Variants in NRG1 observed in about 807,000 individuals in gnomAD.
The protein encoded by NRG1 is pro-neuregulin-1, membrane-bound isoform.
A neutral mutation model predicts 63.8 loss-of-function variants in NRG1; 18 were observed. The observed-to-expected ratio is 0.28, with a 90% CI of 0.19 to 0.42. NRG1 has a LOEUF of 0.42. Among genes scored for constraint, NRG1 ranks in the 10% least tolerant of loss-of-function variants. The pLI is 1.00. For missense variants in NRG1, 762 were observed against 814.7 expected (o/e 0.94, Z 0.79); for synonymous variants, 302 against 301.3 (o/e 1.00, Z -0.02).
chr8:31,744,678 C>T (rs1488634895), intron 1 of NRG1, among the ~76,000 whole-genome samples: 3 of 151,928 alleles, frequency 2.0e-5, no homozygotes, highest in Admixed American at 6.6e-5. Context: ...TTTGCTAAAT[C>T]GGTCCTTGCT....
intron 1 of NRG1, among the ~76,000 whole-genome samples, chr8:32,104,724 A>G (rs1210369542): frequency 1.3e-5 from 2 of 152,118 alleles, no homozygotes; most frequent in African/African-American, 2.4e-5. Context: ...AGACACAAAC[A>G]CACACATTAG....
rs184632168 is a variant in NRG1, at chr8:32,736,489, T to C, written c.633-6186T>C. 4.6e-5 allele frequency among the ~76,000 whole-genome samples: 7 copies of C among 152,370 alleles called. No individual in the cohort carries two copies. The East Asian group carries it at 1.3e-3, about 29-fold the overall frequency. ...GAGAGAGAGCAAAGGCTTTGGTGTC[T>C]GATACTTTCTCACCAATATTCCTTG... On this transcript the variant is annotated intron_variant, in intron 6 of 11. Coordinates refer to ENST00000356819, the Ensembl canonical transcript of NRG1.
At chr8:32,685,191 A>G (rs778365109) in intron 5 of NRG1, among the ~76,000 whole-genome samples, 14 of 152,218 alleles carry the variant, frequency 9.2e-5, no homozygotes, top group Non-Finnish European at 1.8e-4. Flanking sequence ...TCTTACATCT[A>G]GACAAACTAA....
chr8:32,695,333 C>T (rs1427757740), intron 5 of NRG1, among the ~76,000 whole-genome samples: 1 of 150,276 alleles, frequency 6.7e-6, no homozygotes, highest in Non-Finnish European at 1.5e-5. Flanking sequence ...AGAGTGAGAC[C>T]CTCTCTCAGA....
intron 1 of NRG1, among the ~76,000 whole-genome samples, chr8:32,226,095 G>A (rs540612201): frequency 5.1e-4 from 77 of 152,238 alleles, no homozygotes; most frequent in African/African-American, 1.8e-3. Context: ...ATTCCTTACT[G>A]TTTCCGGTAG....
chr8:32,131,079 T>C (rs1009477666), intron 1 of NRG1, among the ~76,000 whole-genome samples: 2 of 152,036 alleles, frequency 1.3e-5, no homozygotes, highest in Non-Finnish European at 2.9e-5. Context: ...ATTAGCTGAA[T>C]TCTATACAAG....
At position 31,868,485 on chromosome 8, in the gene NRG1, T is replaced by G. The variant is rs546748338; in HGVS notation, c.37+229054T>G. ...TCACTGATCATTATCCTGATTTCAG[T>G]GGATCTATGCCATACTCAAGACCTA... On this transcript the variant is annotated intron_variant, in intron 1 of 10. Coordinates refer to the NRG1 transcript ENST00000519301. 3.3e-5 allele frequency among the ~76,000 whole-genome samples: 5 copies of G among 152,314 alleles called. No individual in the cohort carries two copies. In the East Asian group the frequency reaches 9.6e-4, roughly 29 times the overall value.
At chr8:32,392,649 A>C (rs1275198533) in intron 1 of NRG1, among the ~76,000 whole-genome samples, 14 of 152,326 alleles carry the variant, frequency 9.2e-5, no homozygotes, top group Admixed American at 7.8e-4. Context: ...TTGGAATATT[A>C]TCCAGCAGAG....
At chr8:31,962,799 A>T (rs1805679805) in intron 1 of NRG1, among the ~76,000 whole-genome samples, 1 of 152,102 alleles carries the variant, frequency 6.6e-6, no homozygotes, top group African/African-American at 2.4e-5. Context: ...GAAAGGAGCC[A>T]TTTTTTTAGA....
At chr8:31,768,381 A>G (rs1365642778) in intron 1 of NRG1, among the ~76,000 whole-genome samples, 2 of 152,188 alleles carry the variant, frequency 1.3e-5, no homozygotes, top group African/African-American at 4.8e-5. Flanking sequence ...AGCTCTTTGG[A>G]TAAATAGAAA....
intron 2 of NRG1, among the ~76,000 whole-genome samples, chr8:32,605,103 A>G (rs1053230316): frequency 2.6e-5 from 4 of 152,202 alleles, no homozygotes; most frequent in Non-Finnish European, 5.9e-5. Flanking sequence ...AAGAGTGCAC[A>G]GTATTTTTAA....
At chr8:32,089,682 A>G (rs1828811475) in intron 1 of NRG1, among the ~76,000 whole-genome samples, 1 of 152,204 alleles carries the variant, frequency 6.6e-6, no homozygotes, top group South Asian at 2.1e-4. Flanking sequence ...ATTGAGTTTA[A>G]GAGTATCAGC....
intron 5 of NRG1, among the ~76,000 whole-genome samples, chr8:32,677,294 C>T (rs1384789842): frequency 2.0e-5 from 3 of 152,114 alleles, no homozygotes; most frequent in Admixed American, 1.3e-4. Context: ...ACAATTTAGT[C>T]ATCTTTCTAT....
intron 1 of NRG1, among the ~76,000 whole-genome samples, chr8:31,868,422 G>T (rs184250585): frequency 6.6e-6 from 1 of 152,118 alleles, no homozygotes; most frequent in African/African-American, 2.4e-5. Context: ...CATTTGATCA[G>T]GTAAGGCAGG....
intron 1 of NRG1, among the ~76,000 whole-genome samples, chr8:32,222,233 C>A (rs1563923745): frequency 6.6e-6 from 1 of 152,038 alleles, no homozygotes; most frequent in Non-Finnish European, 1.5e-5. Flanking sequence ...TAAAAGTAGA[C>A]TAAAAAAGAG....
intron 1 of NRG1, among the ~76,000 whole-genome samples, chr8:32,080,168 T>A (rs746706169): frequency 5.9e-5 from 9 of 152,220 alleles, no homozygotes; most frequent in Non-Finnish European, 8.8e-5. Flanking sequence ...TAAAGGAAAA[T>A]TTTTCTCTTA....
chr8:31,811,425 A>T (rs192692437), intron 1 of NRG1, among the ~76,000 whole-genome samples: 36 of 152,126 alleles, frequency 2.4e-4, no homozygotes, highest in Non-Finnish European at 4.4e-4. Flanking sequence ...TTCTGATCTG[A>T]TAGTTAAAAT....
rs1264440861 is a variant in NRG1 at position 31,932,187 on chromosome 8, C to A, written c.37+292756C>A. 2.6e-5 allele frequency among the ~76,000 whole-genome samples: 4 copies of A among 151,362 alleles called. No individual in the cohort carries two copies. The East Asian group carries it at 7.8e-4, about 30-fold the overall frequency. ...AGCTTACCAATTACAGCATGTGTTA[C>A]AAATTATAGGTTCCAGGACTTTGGG... On this transcript the variant is annotated intron_variant, in intron 1 of 10. Coordinates refer to the NRG1 transcript ENST00000519301.
At chr8:32,739,682 C>A (rs1005048165) in intron 6 of NRG1, among the ~76,000 whole-genome samples, 4 of 152,108 alleles carry the variant, frequency 2.6e-5, no homozygotes, top group African/African-American at 9.7e-5. Flanking sequence ...TTATAAGATG[C>A]CTAATGACAA....
Sources: gnomAD v4.1 joint callset for allele counts (sites outside exome capture counted in the v4.1 genomes callset) on GRCh38, gnomAD v4.1.1 for gene constraint, MANE v1.5 for transcripts, NCBI Gene and HGNC (gene_info 2026-07-23, HGNC 2026-07-21) for gene names.